The following MAPKAPK2 variants were observed in gnomAD, a reference collection of about 807,000 sequenced individuals.
The protein encoded by MAPKAPK2 is MAPK activated protein kinase 2, also known as MAP kinase-activated protein kinase 2.
MAPKAPK2 carries 9 observed loss-of-function variants against 48.8 expected under a neutral mutation model. The ratio of observed to expected loss-of-function variants is 0.18; its 90% CI spans 0.11 to 0.32. MAPKAPK2 has a LOEUF of 0.32. Ranked by LOEUF, MAPKAPK2 falls within the 10% of genes least tolerant of loss-of-function variation. The pLI, the probability that MAPKAPK2 is intolerant of heterozygous loss-of-function variation, is 1.00. For synonymous variants in MAPKAPK2, 202 were observed against 190.6 expected (o/e 1.06, Z -0.49); for missense variants, 331 against 498.3 (o/e 0.66, Z 3.20).
At chr1:206,710,520 A>C (rs781821287) in intron 1 of MAPKAPK2, among the ~76,000 whole-genome samples, 1 of 152,228 alleles carries the variant, frequency 6.6e-6, no homozygotes, top group African/African-American at 2.4e-5. Flanking sequence ...TAATGGAATT[A>C]TATAGACTAG....
Position 206,732,583 on chromosome 1 carries a change from G to A in MAPKAPK2, c.1068G>A (p.Met356Ile). 6.2e-7 allele frequency: 1 copy of A among 1,613,924 alleles called. No individual in the cohort carries two copies. Among genetic ancestry groups the A allele is most frequent in the Non-Finnish European group, 8.5e-7 (1 of 1,180,020 alleles). The change falls in exon 10 of 10, where the codon ATG becomes ATA. Residue 356 changes from methionine (M) to isoleucine (I), a missense_variant. This residue lies in a region of MAPKAPK2 where 124 missense variants were observed against 194.6 expected (regional missense o/e 0.64). Coordinates refer to ENST00000367103, the MANE Select transcript of MAPKAPK2 (RefSeq NM_032960.4). This position sits in a 1 kb window ranked among gnomAD's most constrained non-coding sequence, Gnocchi z 4.4. ...TGCTGCCGTGCCCCCAGGAGGAGAT[G>A]ACCAGTGCCTTGGCCACAATGCGCG... ...KERWEDVKEE[M>I]TSALATMRVD...
Position 206,685,334 on chromosome 1 carries a change from G to T in MAPKAPK2, c.105G>T (p.Pro35=). ...CCCTGCCGCACCCCCCGGCGCAGCC[G>T]CCGCCGCCGCCCCCGCAGCAGTTCC... ...TPALPHPPAQ[P]PPPPPQQFPQ... is the part of the protein sequence containing the mutation. The change falls in exon 1 of 10, where the codon CCG becomes CCT. Residue 35 remains proline, a synonymous_variant. Coordinates refer to ENST00000367103, the MANE Select transcript of MAPKAPK2 (RefSeq NM_032960.4). 8.5e-7 allele frequency: 1 copy of T among 1,177,068 alleles called. No individual in the cohort carries two copies. Among genetic ancestry groups the T allele is most frequent in the Non-Finnish European group, 1.1e-6 (1 of 893,196 alleles). 72.9% of individuals were successfully genotyped at this position (1,177,068 alleles called of 1,614,324 possible). A position where few individuals can be genotyped will look rare whatever the true frequency, so the allele number is the denominator to read the frequency against.
intron 1 of MAPKAPK2, among the ~76,000 whole-genome samples, chr1:206,719,836 C>T (rs555065807): frequency 8.5e-5 from 13 of 152,328 alleles, no homozygotes; most frequent in Non-Finnish European, 1.9e-4. Context: ...GCTTTTGTGG[C>T]AGCATCTTAT....
intron 1 of MAPKAPK2, among the ~76,000 whole-genome samples, chr1:206,698,090 C>G (rs1672686987): frequency 6.6e-6 from 1 of 152,266 alleles, no homozygotes; most frequent in Non-Finnish European, 1.5e-5. Context: ...GCCATCATCT[C>G]TGTCCTCAGT....
chr1:206,696,290 C>G, intron 1 of MAPKAPK2: 1 of 1,045,964 alleles, frequency 9.6e-7, no homozygotes, highest in Non-Finnish European at 1.5e-6. Flanking sequence ...TGTTTCCAGA[C>G]TCCGCACAGG....
At chr1:206,720,338 T>G (rs1223661583) in intron 1 of MAPKAPK2, among the ~76,000 whole-genome samples, 1 of 152,240 alleles carries the variant, frequency 6.6e-6, no homozygotes, top group Non-Finnish European at 1.5e-5. Flanking sequence ...CATTGAGTCT[T>G]AATGCCTTTA....
Position 206,684,937 on chromosome 1 carries a change from T to C in MAPKAPK2, c.-293T>C, listed in dbSNP as rs1365029900. ...GGCCGCCGGCCCGGGGCTGGGTACA[T>C]TGTCGCGCGGCCGCTTCCCCCCGGC... is the stretch of plus-strand genomic sequence containing the variant. On this transcript the variant is annotated 5_prime_UTR_variant, in exon 1 of 10. Transcript: ENST00000367103. The C allele has an allele frequency of 6.8e-6, 1 of 146,634 alleles. No individual in the cohort carries two copies. Among genetic ancestry groups the C allele is most frequent in the Non-Finnish European group, 1.5e-5 (1 of 66,428 alleles). 9.1% of individuals were successfully genotyped at this position (146,634 alleles called of 1,614,324 possible).
chr1:206,720,072 C>T (rs1673466624), intron 1 of MAPKAPK2, among the ~76,000 whole-genome samples: 1 of 152,186 alleles, frequency 6.6e-6, no homozygotes. Context: ...GGATCAAGTG[C>T]TCATGTGTCT....
At position 206,728,561 on chromosome 1, in the gene MAPKAPK2, C is replaced by T. The variant is rs1436259585; in HGVS notation, c.280-149C>T. Reference sequence around the variant, plus strand: ...AGCAGATAAGGAACTGCAGAGGCCTCAGGAAATGTGCCAAGGGGGCTGGTG... The same window carrying T: ...AGCAGATAAGGAACTGCAGAGGCCTTAGGAAATGTGCCAAGGGGGCTGGTG... On this transcript the variant is annotated intron_variant, in intron 1 of 9. Coordinates refer to ENST00000367103, the MANE Select transcript of MAPKAPK2 (RefSeq NM_032960.4). The T allele has an allele frequency of 2.6e-5, 21 of 794,088 alleles. No individual in the cohort carries two copies. In the East Asian group the frequency reaches 5.5e-4, roughly 21 times the overall value. 49.2% of individuals were successfully genotyped at this position (794,088 alleles called of 1,614,324 possible). A position where few individuals can be genotyped will look rare whatever the true frequency, so the allele number is the denominator to read the frequency against.
intron 1 of MAPKAPK2, among the ~76,000 whole-genome samples, chr1:206,707,035 A>G (rs1553428684): frequency 6.6e-6 from 1 of 152,058 alleles, no homozygotes; most frequent in African/African-American, 2.4e-5. Context: ...TAGTTGGAGG[A>G]GGGAACGGCA....
At chr1:206,713,989 G>A (rs1673239277) in intron 1 of MAPKAPK2, among the ~76,000 whole-genome samples, 2 of 152,170 alleles carry the variant, frequency 1.3e-5, no homozygotes, top group South Asian at 2.1e-4. Flanking sequence ...TGTGGGTGAC[G>A]GAGGGAGAGA....
At chr1:206,686,141 C>T (rs997658283) in intron 1 of MAPKAPK2, among the ~76,000 whole-genome samples, 2 of 152,052 alleles carry the variant, frequency 1.3e-5, no homozygotes, top group African/African-American at 2.4e-5. Flanking sequence ...CCGGAGCTGG[C>T]CCCCTCAGCT....
intron 1 of MAPKAPK2, among the ~76,000 whole-genome samples, chr1:206,687,436 G>T (rs1672322564): frequency 1.3e-5 from 2 of 152,332 alleles, no homozygotes; most frequent in Non-Finnish European, 2.9e-5. Context: ...GAAGAGTGAA[G>T]TCAGTCTGTT....
chr1:206,728,936 G>A lies in MAPKAPK2; in HGVS notation c.419+87G>A, dbSNP rs997707949. 1.1e-5 allele frequency: 17 copies of A among 1,612,396 alleles called. No individual in the cohort carries two copies. The East Asian group carries it at 2.0e-4, about 19-fold the overall frequency. On this transcript the variant is annotated intron_variant, in intron 2 of 9. Transcript: ENST00000367103. Reference sequence around the variant, plus strand: ...CCCTCTGAGGACAGCCCAGGGATGGGCCTGAAGCCTGGAATGTAAACACTT... The same window carrying A: ...CCCTCTGAGGACAGCCCAGGGATGGACCTGAAGCCTGGAATGTAAACACTT...
chr1:206,720,315 AC>A (rs1305477656), intron 1 of MAPKAPK2, among the ~76,000 whole-genome samples: 1 of 152,210 alleles, frequency 6.6e-6, no homozygotes, highest in Non-Finnish European at 1.5e-5. Context: ...AGAGATCATT[AC>A]CATTAACAAC....
At chr1:206,728,629 C>A in intron 1 of MAPKAPK2, 81 bp from the exon 2 acceptor site, 1 of 1,511,278 alleles carries the variant, frequency 6.6e-7, no homozygotes, top group Non-Finnish European at 9.0e-7. Flanking sequence ...ATGTCGGTGG[C>A]GATGTCAGGG....
chr1:206,710,440 GGA>G (rs1673109807), intron 1 of MAPKAPK2, among the ~76,000 whole-genome samples: 1 of 152,146 alleles, frequency 6.6e-6, no homozygotes, highest in Admixed American at 6.5e-5. Flanking sequence ...AATTGATGAG[GGA>G]ATTGGCCAAG....
Position 206,685,319 on chromosome 1 carries a change from C to T in MAPKAPK2, c.90C>T (p.His30=), listed in dbSNP as rs782797008. 5.3e-6 allele frequency: 7 copies of T among 1,333,208 alleles called. No individual in the cohort carries two copies. Among genetic ancestry groups the T allele is most frequent in the South Asian group, 1.4e-5 (1 of 73,132 alleles). 82.6% of individuals were successfully genotyped at this position (1,333,208 alleles called of 1,614,324 possible). The change falls in exon 1 of 10, where the codon CAC becomes CAT. Residue 30 remains histidine, a synonymous_variant. Transcript: ENST00000367103. ...AGCCCCCCACCCCTGCCCTGCCGCA[C>T]CCCCCGGCGCAGCCGCCGCCGCCGC... The part of the protein sequence containing the change: ...PPQPPTPALP[H]PPAQPPPPPP...
intron 1 of MAPKAPK2, among the ~76,000 whole-genome samples, chr1:206,714,980 C>T (rs1484327733): frequency 2.0e-5 from 3 of 152,048 alleles, no homozygotes; most frequent in Non-Finnish European, 4.4e-5. Flanking sequence ...TTTGCCACCT[C>T]CTCTCCCCTC....
Sources: gnomAD v4.1 joint callset for allele counts (sites outside exome capture counted in the v4.1 genomes callset) on GRCh38, gnomAD v4.1.1 for gene constraint, gnomAD v4.1.1 regional missense constraint, Gnocchi (gnomAD v3.1) non-coding constraint, MANE v1.5 for transcripts, NCBI Gene and HGNC (gene_info 2026-07-23, HGNC 2026-07-21) for gene names.